Variants in TRRAP observed in about 807,000 individuals in gnomAD.
The protein encoded by TRRAP is transformation/transcription domain associated protein.
Under a neutral mutation model 438.8 loss-of-function variants are expected in TRRAP, and 41 were observed. The observed-to-expected ratio is 0.09, with a 90% CI of 0.07 to 0.12. The LOEUF is 0.12. Ranked by LOEUF, TRRAP falls within the 10% of genes least tolerant of loss-of-function variation. TRRAP has a pLI of 1.00. For missense variants in TRRAP, 3,122 were observed against 5,055.1 expected, an observed-to-expected ratio of 0.62 and a Z score of 11.60; for synonymous variants, 1,994 against 1,962.9, an observed-to-expected ratio of 1.02 and a Z score of -0.42.
chr7:98,979,398 A>G (rs905566791), intron 58 of TRRAP, among the ~76,000 whole-genome samples: 13 of 152,210 alleles, frequency 8.5e-5, no homozygotes, highest in African/African-American at 2.9e-4. Context: ...AGTACCTAAT[A>G]CAGTGTAATT....
chr7:98,930,603 G>A (rs200023602), intron 24 of TRRAP, 30 bp from the exon 25 acceptor site: 38 of 1,610,748 alleles, frequency 2.4e-5, no homozygotes, highest in African/African-American at 2.0e-4. Flanking sequence ...TTGCAGTAAC[G>A]TGTTGTGGTT....
chr7:98,932,598 C>T (rs1316066447), intron 26 of TRRAP, among the ~76,000 whole-genome samples: 2 of 152,114 alleles, frequency 1.3e-5, no homozygotes, highest in East Asian at 3.8e-4. Flanking sequence ...CCCATTTCAG[C>T]TTCCCAAAGT....
intron 67 of TRRAP, among the ~76,000 whole-genome samples, chr7:99,000,333 G>T (rs1281204419): frequency 6.6e-6 from 1 of 152,110 alleles, no homozygotes; most frequent in Admixed American, 6.5e-5. Flanking sequence ...AGTGGAGTTC[G>T]TGCAGATCCC....
chr7:98,946,523 GTGCACTCACAACATACA>G (rs1172478846), intron 33 of TRRAP, among the ~76,000 whole-genome samples: 1 of 136,382 alleles, frequency 7.3e-6, no homozygotes, highest in Admixed American at 7.4e-5. Context: ...ACACACACCA[GTGCACTCACAACATACA>G]TGCACTCACA....
chr7:99,004,108 G>A, intron 67 of TRRAP, 82 bp from the exon 68 acceptor site: 4 of 1,279,350 alleles, frequency 3.1e-6, no homozygotes, highest in Non-Finnish European at 4.4e-6. Flanking sequence ...TTCGTAGCTG[G>A]TAGGGGCTTG....
intron 53 of TRRAP, among the ~76,000 whole-genome samples, chr7:98,974,003 C>T (rs1488717942): frequency 1.3e-5 from 2 of 152,204 alleles, no homozygotes; most frequent in African/African-American, 4.8e-5. Context: ...ATCATTTCAG[C>T]ATCTTTTTAC....
At chr7:98,992,821 C>T (rs192020878) in intron 65 of TRRAP, among the ~76,000 whole-genome samples, 2 of 152,224 alleles carry the variant, frequency 1.3e-5, no homozygotes, top group Non-Finnish European at 2.9e-5. Flanking sequence ...TCCTAAGGGC[C>T]GTGGGCCGTG....
intron 39 of TRRAP, 75 bp from the exon 40 acceptor site, chr7:98,953,092 A>T: frequency 1.2e-5 from 19 of 1,528,836 alleles, no homozygotes; most frequent in Non-Finnish European, 1.6e-5. Flanking sequence ...TTTAAGGCTT[A>T]AACCTGTCGT....
chr7:98,958,309 GT>G (rs111690401), intron 44 of TRRAP, among the ~76,000 whole-genome samples: 33 of 146,870 alleles, frequency 2.2e-4, no homozygotes, highest in Admixed American at 3.4e-4. Flanking sequence ...AATTTTTTTG[GT>G]TTTTTTTTTT....
chr7:98,906,369 G>C, intron 13 of TRRAP, 114 bp downstream of exon 13: 1 of 573,212 alleles, frequency 1.7e-6, no homozygotes. Context: ...TGACACACCT[G>C]TTAGGTTAGC....
chr7:98,961,063 AAG>A (rs1313434717), intron 45 of TRRAP, among the ~76,000 whole-genome samples, 196 bp from the exon 46 acceptor site: 7 of 152,342 alleles, frequency 4.6e-5, no homozygotes, highest in South Asian at 2.1e-4. Flanking sequence ...ATTTTTAAAA[AAG>A]AGTTTGAGTA....
In TRRAP at chr7:98,976,199, G is replaced by T. The variant is rs767585456; in HGVS notation, c.7890G>T (p.Thr2630=). 4.3e-6 allele frequency: 7 copies of T among 1,614,016 alleles called. No individual in the cohort carries two copies. Among genetic ancestry groups the T allele is most frequent in the Admixed American group, 3.3e-5 (2 of 60,006 alleles). The change falls in exon 54 of 73, where the codon ACG becomes ACT. Residue 2630 remains threonine, a synonymous_variant. Transcript: ENST00000456197. The surrounding 1 kb of genome is among the most constrained non-coding windows in gnomAD (Gnocchi z 4.6). ...AFVQLCHIST[T]LAEKTWVQLF... ...TTCAGCTGTGCCACATTTCCACGAC[G>T]CTGGCAGAGAAGACGTGGGTCCAGC...
rs1353302132 is a variant in TRRAP at position 98,892,517 on chromosome 7, C to T, written c.355C>T (p.Arg119Cys). 19 of 1,609,332 alleles carry T rather than the reference C, an allele frequency of 1.2e-5. No individual in the cohort carries two copies. Among genetic ancestry groups the T allele is most frequent in the African/African-American group, 6.7e-5 (5 of 74,642 alleles). Residue 119 changes from arginine to cysteine, a missense_variant, in exon 5 of 73, where the codon CGC (arginine) becomes TGC (cysteine). By Grantham distance (180) the Arg-to-Cys change is radical. Coordinates refer to ENST00000456197, the MANE Select transcript of TRRAP (RefSeq NM_001375524.1). ...AAAAAATGTTTTGTCTGTGATGTTT[C>T]GCTTTTTAGAGGTAAGTTTTGAGAA... ...HTKNVLSVMF[R>C]FLETENEENV... is the part of the protein sequence containing the mutation.
At chr7:98,960,146 G>A (rs1216473285) in intron 45 of TRRAP, among the ~76,000 whole-genome samples, 1 of 151,946 alleles carries the variant, frequency 6.6e-6, no homozygotes, top group Non-Finnish European at 1.5e-5. Flanking sequence ...ATGAGCTTTG[G>A]ATTTTTAAAA....
At chr7:98,886,726 A>T (rs1393464278) in intron 3 of TRRAP, among the ~76,000 whole-genome samples, 1 of 152,190 alleles carries the variant, frequency 6.6e-6, no homozygotes, top group Non-Finnish European at 1.5e-5. Context: ...GAAATTTAAA[A>T]ACTCCCAGTG....
chr7:98,939,370 TTATC>T (rs1188972322), intron 30 of TRRAP, among the ~76,000 whole-genome samples: 4 of 151,984 alleles, frequency 2.6e-5, no homozygotes, highest in Non-Finnish European at 1.5e-5. Context: ...TACATTGTAT[TTATC>T]TACACATGGA....
chr7:98,881,737 G>A (rs1189675188), intron 2 of TRRAP: 12 of 465,044 alleles, frequency 2.6e-5, no homozygotes, highest in Non-Finnish European at 4.6e-5. Context: ...CCCCAAAGAG[G>A]CACGTGTGTG....
intron 16 of TRRAP, among the ~76,000 whole-genome samples, 162 bp downstream of exon 16, chr7:98,910,769 G>A (rs181756065): frequency 5.3e-5 from 8 of 152,268 alleles, no homozygotes; most frequent in Middle Eastern, 3.4e-3. Context: ...CTGCGTTTAT[G>A]TGGGAATTCT....
At chr7:98,959,898 T>TA (rs1474800361) in intron 45 of TRRAP, among the ~76,000 whole-genome samples, 1 of 136,726 alleles carries the variant, frequency 7.3e-6, no homozygotes, top group Non-Finnish European at 1.5e-5. Context: ...GCCACTGCAC[T>TA]ACAGCTTGGG....
Sources: gnomAD v4.1 joint callset for allele counts (sites outside exome capture counted in the v4.1 genomes callset) on GRCh38, gnomAD v4.1.1 for gene constraint, Gnocchi (gnomAD v3.1) non-coding constraint, MANE v1.5 for transcripts, NCBI Gene and HGNC (gene_info 2026-07-23, HGNC 2026-07-21) for gene names.